Variants in APP observed in about 807,000 individuals in gnomAD.
APP encodes the protein amyloid-beta precursor protein.
In APP, 31 loss-of-function variants were observed where a neutral mutation model predicts 101.4. The observed-to-expected ratio is 0.31, with a 90% CI of 0.23 to 0.41. The LOEUF is 0.41. Ranked by LOEUF, APP falls within the 10% of genes least tolerant of loss-of-function variation. The pLI is 1.00. For synonymous variants in APP, 366 were observed against 364.4 expected (o/e 1.00, Z -0.05); for missense variants, 839 against 1,003.7 (o/e 0.84, Z 2.22).
intron 2 of APP, among the ~76,000 whole-genome samples, chr21:26,109,093 G>C (rs2062251775): frequency 1.3e-5 from 2 of 152,136 alleles, no homozygotes; most frequent in South Asian, 4.1e-4. Context: ...GTAGGCAGAG[G>C]ACAGATAATA....
In APP at chr21:25,982,347, G is replaced by A. The variant is rs370000560; in HGVS notation, c.1221C>T (p.Ser407=). The stretch of plus-strand genomic sequence containing the variant: ...ATGATGGAAGAGCCAGACTTACCTG[G>A]GACATTCTCTCTCGGTGCTTGGCCT... ...RLEAKHRERM[S]QVMREWEEAE... is the part of the protein sequence containing the mutation. The change falls in exon 9 of 18, where the codon TCC becomes TCT. Residue 407 remains serine, a synonymous_variant. Transcript: ENST00000346798. 1 of 1,613,670 alleles carries A rather than the reference G, an allele frequency of 6.2e-7. No homozygotes were observed. Among genetic ancestry groups the A allele is most frequent in the Non-Finnish European group, 8.5e-7 (1 of 1,179,776 alleles).
intron 5 of APP, among the ~76,000 whole-genome samples, chr21:26,039,488 T>C (rs1038369789): frequency 1.3e-5 from 2 of 152,368 alleles, no homozygotes; most frequent in East Asian, 3.9e-4. Context: ...AATGGTGCTA[T>C]GCTATAAAGA....
intron 4 of APP, among the ~76,000 whole-genome samples, 177 bp downstream of exon 4, chr21:26,053,059 G>A (rs533681073): frequency 8.3e-4 from 127 of 152,220 alleles, no homozygotes; most frequent in African/African-American, 3.0e-3. Flanking sequence ...GTTCGATTTT[G>A]CTGTGAACCT....
intron 5 of APP, among the ~76,000 whole-genome samples, chr21:26,046,461 C>CA (rs2045614799): frequency 6.7e-6 from 1 of 149,008 alleles, no homozygotes. Context: ...CCAAGTTATA[C>CA]AGTCTTAATG....
At chr21:26,157,209 A>G (rs891837404) in intron 1 of APP, among the ~76,000 whole-genome samples, 1 of 152,092 alleles carries the variant, frequency 6.6e-6, no homozygotes, top group Non-Finnish European at 1.5e-5. Flanking sequence ...AACTGAGACT[A>G]CAGGCATGCA....
chr21:25,997,242 C>A, intron 8 of APP, 118 bp downstream of exon 8: 1 of 998,890 alleles, frequency 1.0e-6, no homozygotes, highest in Non-Finnish European at 1.6e-6. Flanking sequence ...AAACATTTTA[C>A]TAAGACAGGT....
chr21:25,957,288 T>C (rs934847893), intron 11 of APP, among the ~76,000 whole-genome samples: 3 of 152,006 alleles, frequency 2.0e-5, no homozygotes, highest in Non-Finnish European at 4.4e-5. Flanking sequence ...AGAAGAAAAG[T>C]AGTAAAAGAG....
chr21:25,913,130 ATCT>A (rs1222691635), intron 13 of APP, among the ~76,000 whole-genome samples: 4 of 152,228 alleles, frequency 2.6e-5, no homozygotes, highest in African/African-American at 4.8e-5. Context: ...TTTTACAATC[ATCT>A]TTCAAATTCT....
At chr21:26,126,720 C>A (rs7364107) in intron 1 of APP, among the ~76,000 whole-genome samples, 1 of 152,016 alleles carries the variant, frequency 6.6e-6, no homozygotes, top group African/African-American at 2.4e-5. Flanking sequence ...CCCCACCCAA[C>A]ATAAACAATT....
intron 5 of APP, among the ~76,000 whole-genome samples, chr21:26,032,809 T>A (rs569112500): frequency 1.3e-3 from 186 of 143,104 alleles, no homozygotes; most frequent in African/African-American, 4.4e-3. Context: ...AAAAAAAATA[T>A]ATATATATAT....
At chr21:26,069,237 G>T (rs1332739140) in intron 3 of APP, among the ~76,000 whole-genome samples, 1 of 152,132 alleles carries the variant, frequency 6.6e-6, no homozygotes, top group African/African-American at 2.4e-5. Context: ...CTGTGAATCA[G>T]AAGACCATGG....
intron 1 of APP, among the ~76,000 whole-genome samples, chr21:26,162,382 T>C (rs2063509971): frequency 6.6e-6 from 1 of 151,702 alleles, no homozygotes; most frequent in Non-Finnish European, 1.5e-5. Context: ...ATAGTAGGAG[T>C]AGATATAACA....
At chr21:26,127,873 G>C (rs1208949657) in intron 1 of APP, among the ~76,000 whole-genome samples, 5 of 152,074 alleles carry the variant, frequency 3.3e-5, no homozygotes, top group African/African-American at 7.2e-5. Flanking sequence ...GCAGGAAGAG[G>C]GAAAAGAAAA....
chr21:25,905,266 A>G (rs1319469875), intron 14 of APP, among the ~76,000 whole-genome samples, 189 bp from the exon 15 acceptor site: 1 of 152,180 alleles, frequency 6.6e-6, no homozygotes, highest in Non-Finnish European at 1.5e-5. Flanking sequence ...ACCACTTTAA[A>G]TGGCTTATCG....
intron 5 of APP, among the ~76,000 whole-genome samples, chr21:26,025,254 G>C (rs188794530): frequency 2.6e-5 from 4 of 152,282 alleles, no homozygotes; most frequent in Non-Finnish European, 4.4e-5. Flanking sequence ...TATTACTGGT[G>C]AATCAAAGAA....
In APP at chr21:26,104,576, T is replaced by G. The variant is rs1007812497; in HGVS notation, c.225+7403A>C. Among the ~76,000 whole-genome samples, 8 of 152,270 alleles carry G rather than the reference T, an allele frequency of 5.3e-5. No individual in the cohort carries two copies. In the South Asian group the frequency reaches 1.7e-3, roughly 32 times the overall value. The stretch of plus-strand genomic sequence containing the variant: ...AATAAAAGACTGTGTTTTTACTTTT[T>G]CTCTTGAACCTTGCCCTTGACCAAA... On this transcript the variant is annotated intron_variant, in intron 2 of 17. Transcript: ENST00000346798.
intron 1 of APP, among the ~76,000 whole-genome samples, chr21:26,131,448 G>A (rs1046442325): frequency 3.3e-5 from 5 of 152,152 alleles, no homozygotes; most frequent in African/African-American, 1.2e-4. Flanking sequence ...CACTCAGTCA[G>A]TCACTCATAT....
intron 1 of APP, among the ~76,000 whole-genome samples, chr21:26,135,862 G>A (rs942636485): frequency 1.3e-5 from 2 of 151,980 alleles, no homozygotes; most frequent in Admixed American, 6.6e-5. Context: ...AGCCAGGCAC[G>A]GTGGCTCACA....
chr21:25,976,048 T>C lies in APP; in HGVS notation c.1225-20A>G. The C allele has an allele frequency of 1.3e-6, 2 of 1,591,872 alleles. No homozygotes were observed. Among genetic ancestry groups the C allele is most frequent in the Non-Finnish European group, 1.7e-6 (2 of 1,160,008 alleles). The stretch of plus-strand genomic sequence containing the variant: ...CATGACCTATAAATTAAGGAAACAT[T>C]TGAATTTAAAATCATCAGTTCATCC... On this transcript the variant is annotated intron_variant, in intron 9 of 17. Transcript: ENST00000346798.
Sources: allele counts gnomAD v4.1 joint callset (sites outside exome capture counted in the v4.1 genomes callset), GRCh38; gene constraint gnomAD v4.1.1; transcripts MANE v1.5; gene names NCBI Gene and HGNC (gene_info 2026-07-23, HGNC 2026-07-21).